XPA: variants seen among roughly 807,000 people sequenced by gnomAD.
XPA encodes the protein XPA, DNA damage recognition and repair factor.
A neutral mutation model predicts 35.7 loss-of-function variants in XPA; 27 were observed. The ratio of observed to expected loss-of-function variants is 0.76; its 90% CI spans 0.56 to 1.04. XPA has a LOEUF of 1.04. XPA is among the 50% of genes least tolerant of loss of function. The pLI is 0.00. For synonymous variants in XPA, 133 were observed against 118.4 expected (o/e 1.12, Z -0.80); for missense variants, 354 against 342.7 (o/e 1.03, Z -0.26).
chr9:97,670,699 A>G (rs1295288343), downstream of XPA, among the ~76,000 whole-genome samples: 1 of 152,172 alleles, frequency 6.6e-6, no homozygotes, highest in Non-Finnish European at 1.5e-5. Context: ...CTGACTGTTT[A>G]TCTTCCTGTC....
intron 5 of XPA, among the ~76,000 whole-genome samples, chr9:97,677,308 A>G (rs913171529): frequency 6.6e-6 from 1 of 152,196 alleles, no homozygotes; most frequent in Non-Finnish European, 1.5e-5. Flanking sequence ...TTCAGCCAGT[A>G]TGTCAGGCTA....
At chr9:97,686,894 C>T (rs1182788268) in intron 4 of XPA, among the ~76,000 whole-genome samples, 2 of 151,938 alleles carry the variant, frequency 1.3e-5, no homozygotes, top group Non-Finnish European at 2.9e-5. Context: ...CAGAGTGAGA[C>T]CTTATTGTTT....
At chr9:97,661,005 A>C in the XPA span, 2 of 1,612,790 alleles carry the variant, frequency 1.2e-6, no homozygotes. Context: ...AAGTAAGGCA[A>C]CCAATGATGA....
Position 97,685,011 on chromosome 9 carries a change from A to G in XPA, c.585T>C (p.Gly195=). 6.2e-7 allele frequency: 1 copy of G among 1,613,496 alleles called. No homozygotes were observed. Among genetic ancestry groups the G allele is most frequent in the Non-Finnish European group, 8.5e-7 (1 of 1,179,808 alleles). The part of the protein sequence containing the change: ...QIVKRSLEVW[G]SQEALEEAKE... The stretch of plus-strand genomic sequence containing the variant: ...TTGCTTCTTCTAATGCTTCTTGACT[A>G]CCCCAAACTTCAAGAGACCTCTTCA... Residue 195 remains glycine, a synonymous_variant, in exon 5 of 6, where the codon GGT becomes GGC. Coordinates refer to ENST00000375128, the MANE Select transcript of XPA (RefSeq NM_000380.4).
chr9:97,693,624 C>T, intron 2 of XPA, 25 bp downstream of exon 2: 1 of 1,595,128 alleles, frequency 6.3e-7, no homozygotes, highest in South Asian at 1.1e-5. Flanking sequence ...AATCTAGATA[C>T]TTATTTTTGA....
chr9:97,668,886 G>T, the XPA span: 2 of 1,613,590 alleles, frequency 1.2e-6, no homozygotes, highest in Non-Finnish European at 1.7e-6. Flanking sequence ...AGGAAAGACG[G>T]GGTTCTTGAG....
chr9:97,657,111 C>T, the XPA span, among the ~76,000 whole-genome samples: 3 of 152,276 alleles, frequency 2.0e-5, no homozygotes, highest in Non-Finnish European at 2.9e-5. Flanking sequence ...GGACTACAGG[C>T]GCCCGCCACC....
At chr9:97,661,759 T>C in the XPA span, among the ~76,000 whole-genome samples, 8 of 142,466 alleles carry the variant, frequency 5.6e-5, no homozygotes, top group African/African-American at 2.1e-4. Context: ...TTGGTATTAA[T>C]ATAATAGAGG....
chr9:97,669,647 A>G, the XPA span: 2 of 1,613,306 alleles, frequency 1.2e-6, no homozygotes, highest in African/African-American at 1.3e-5. Flanking sequence ...TGATGGGACC[A>G]GTGTATTAAC....
At chr9:97,678,840 C>A (rs1353920175) in intron 5 of XPA, among the ~76,000 whole-genome samples, 1 of 152,178 alleles carries the variant, frequency 6.6e-6, no homozygotes, top group Non-Finnish European at 1.5e-5. Flanking sequence ...GAAATGCATA[C>A]CCTGCATCCA....
chr9:97,665,908 A>G, the XPA span, among the ~76,000 whole-genome samples: 7 of 152,218 alleles, frequency 4.6e-5, no homozygotes, highest in African/African-American at 7.2e-5. Context: ...TATTCTTACA[A>G]TAAATCATAA....
chr9:97,669,057 G>A, the XPA span: 2 of 1,398,954 alleles, frequency 1.4e-6, no homozygotes, highest in South Asian at 2.8e-5. Flanking sequence ...ATTTTTCATT[G>A]TAAAAGGAAT....
At position 97,697,267 on chromosome 9, in the gene XPA, G is replaced by C; in HGVS notation, c.26C>G (p.Pro9Arg). The C allele has an allele frequency of 3.8e-6, 6 of 1,599,144 alleles. No homozygotes were observed. Among genetic ancestry groups the C allele is most frequent in the Non-Finnish European group, 5.1e-6 (6 of 1,179,176 alleles). The change falls in exon 1 of 6, where the codon CCG (proline) becomes CGG (arginine). Residue 9 changes from proline to arginine, a missense_variant. By Grantham distance (103) the Pro-to-Arg change is moderately radical. Transcript: ENST00000375128. ...GGGTTGCTCTAAAGCCGCCGCCTCC[G>C]GCAAAGCCCCGTCGGCCGCCGCCAT... MAAADGAL[P>R]EAAALEQPAE...
At chr9:97,657,057 C>T in the XPA span, among the ~76,000 whole-genome samples, 1 of 152,160 alleles carries the variant, frequency 6.6e-6, no homozygotes, top group Non-Finnish European at 1.5e-5. Context: ...CAAGCGCCAC[C>T]TCCGGGTTCA....
intron 1 of XPA, among the ~76,000 whole-genome samples, chr9:97,694,081 C>T (rs1286277762): frequency 6.6e-6 from 1 of 152,178 alleles, no homozygotes; most frequent in African/African-American, 2.4e-5. Context: ...ACAACCTCTG[C>T]CCTGAAAACT....
intron 4 of XPA, among the ~76,000 whole-genome samples, chr9:97,685,282 G>C (rs1015832748): frequency 6.6e-6 from 1 of 152,166 alleles, no homozygotes; most frequent in African/African-American, 2.4e-5. Context: ...TAGAAAAGTT[G>C]TCCTCTGACT....
chr9:97,672,389 C>A (rs183603695), downstream of XPA: 1 of 152,138 alleles, frequency 6.6e-6, no homozygotes, highest in Non-Finnish European at 1.5e-5. Context: ...GTTTACCATA[C>A]ATTTTAGTGG....
chr9:97,693,841 G>T (rs1828964648), intron 1 of XPA, 82 bp from the exon 2 acceptor site: 4 of 1,249,972 alleles, frequency 3.2e-6, no homozygotes, highest in East Asian at 2.3e-5. Context: ...AAATTCCTTT[G>T]AATTCAATAT....
intron 5 of XPA, among the ~76,000 whole-genome samples, chr9:97,681,927 G>T (rs1248072717): frequency 5.9e-5 from 9 of 152,080 alleles, no homozygotes; most frequent in South Asian, 2.1e-4. Flanking sequence ...CTCTCTATCG[G>T]TCCTTTGAAT....
Sources: gnomAD v4.1 joint callset for allele counts (sites outside exome capture counted in the v4.1 genomes callset) on GRCh38, gnomAD v4.1.1 for gene constraint, MANE v1.5 for transcripts, NCBI Gene and HGNC (gene_info 2026-07-23, HGNC 2026-07-21) for gene names.